The following NKIRAS1 variants were observed in gnomAD, a reference collection of about 807,000 sequenced individuals.
NKIRAS1 encodes the protein NF-kappa-B inhibitor-interacting Ras-like protein 1.
A neutral mutation model predicts 19.8 loss-of-function variants in NKIRAS1; 16 were observed. The ratio of observed to expected loss-of-function variants is 0.81; its 90% CI spans 0.55 to 1.23. NKIRAS1 has a LOEUF of 1.23. NKIRAS1 is among the 50% of genes most tolerant of loss of function. The pLI is 0.00. For missense variants in NKIRAS1, 184 were observed against 220.0 expected, an observed-to-expected ratio of 0.84 and a Z score of 1.04; for synonymous variants, 88 against 79.0, an observed-to-expected ratio of 1.11 and a Z score of -0.61.
chr3:23,898,734 G>A (rs964009498), intron 4 of NKIRAS1, among the ~76,000 whole-genome samples: 3 of 152,122 alleles, frequency 2.0e-5, no homozygotes, highest in Non-Finnish European at 4.4e-5. Context: ...GTGAATCACT[G>A]CACCTGGCCT....
upstream of NKIRAS1, chr3:23,920,566 C>G (rs1270445358): frequency 1.0e-6 from 1 of 985,276 alleles, no homozygotes; most frequent in Non-Finnish European, 1.2e-6. Context: ...TGTCCAGGGT[C>G]AATTTGAGTG....
chr3:23,945,705 TG>T, intron 1 of NKIRAS1: 1 of 349,668 alleles, frequency 2.9e-6, no homozygotes, highest in Non-Finnish European at 4.3e-6. Context: ...TGGGGCGGGG[TG>T]GGCTGCTGCG....
At chr3:23,924,618 T>C (rs1481510629) in intron 1 of NKIRAS1, among the ~76,000 whole-genome samples, 1 of 152,184 alleles carries the variant, frequency 6.6e-6, no homozygotes, top group African/African-American at 2.4e-5. Flanking sequence ...CAGGCTGGTC[T>C]ATTACCCCTG....
rs1344857713 is a variant in NKIRAS1, at chr3:23,927,672, C to T, written c.-139-16222G>A. On this transcript the variant is annotated intron_variant, in intron 1 of 4. Transcript: ENST00000421515. The surrounding 1 kb of genome is among the most constrained non-coding windows in gnomAD (Gnocchi z 4.0). ...ACTGATGGATGATGTAATTATCAGT[C>T]ATCAAATCACGAAACTTGTTTCTAT... Among the ~76,000 whole-genome samples, 1 of 152,180 alleles carries T rather than the reference C, an allele frequency of 6.6e-6. No homozygotes were observed. The highest frequency in any genetic ancestry group is 1.5e-5 in the Non-Finnish European group (1 of 68,040).
Position 23,902,089 on chromosome 3 carries a change from A to T in NKIRAS1, c.95-1040T>A, listed in dbSNP as rs35142203. Among the ~76,000 whole-genome samples the T allele has an allele frequency of 2.7e-3, 414 of 152,220 alleles. 4 individuals are homozygous for T. The highest frequency in any genetic ancestry group is 9.2e-3 in the African/African-American group (381 of 41,518). ...ACTCCGTCTCAAAAAATAATAATAAAAAAATAAAAATAAATGAATGTGAGA... is the reference window on the plus strand; with the variant it reads ...ACTCCGTCTCAAAAAATAATAATAATAAAATAAAAATAAATGAATGTGAGA... On this transcript the variant is annotated intron_variant, in intron 3 of 4. Coordinates refer to ENST00000425478, the MANE Select transcript of NKIRAS1 (RefSeq NM_020345.4).
In NKIRAS1 at chr3:23,944,348, GGAAA is replaced by G. The variant is rs201390890; in HGVS notation, c.-140+1971_-140+1974del. 4.1e-3 allele frequency among the ~76,000 whole-genome samples: 625 copies of G among 152,260 alleles called. 5 individuals carry two copies. The highest frequency in any genetic ancestry group is 0.014 in the African/African-American group (585 of 41,566). ...ATAGTGAAGAATTTCAGAGCAAACTGGAAAGAGTTTTACAAGCAACACCCATATC... is the reference window on the plus strand; with the variant it reads ...ATAGTGAAGAATTTCAGAGCAAACTGGAGTTTTACAAGCAACACCCATATC... On this transcript the variant is annotated intron_variant, in intron 1 of 4. Transcript: ENST00000421515.
In NKIRAS1 at chr3:23,893,061, C is replaced by G. The variant is rs776604026; in HGVS notation, c.*34G>C. The G allele has an allele frequency of 1.1e-5, 16 of 1,521,432 alleles. No homozygotes were observed. Among genetic ancestry groups the G allele is most frequent in the Non-Finnish European group, 1.2e-5 (14 of 1,137,772 alleles). 94.2% of individuals were successfully genotyped at this position (1,521,432 alleles called of 1,614,324 possible). On this transcript the variant is annotated 3_prime_UTR_variant, in exon 5 of 5. Transcript: ENST00000425478. The stretch of plus-strand genomic sequence containing the variant: ...GTTCACAGACACTTAAAGGCAATCA[C>G]TATTCAACATACAATTGTGGAAATT...
intron 1 of NKIRAS1, chr3:23,945,292 C>A (rs1705614765): frequency 6.4e-6 from 1 of 155,250 alleles, no homozygotes; most frequent in Non-Finnish European, 1.4e-5. Flanking sequence ...CCCCGTCAGC[C>A]GCCCTCGCCG....
chr3:23,926,632 A>C lies in NKIRAS1; in HGVS notation c.-139-15182T>G, dbSNP rs571172422. On this transcript the variant is annotated intron_variant, in intron 1 of 4. Transcript: ENST00000421515. This position sits in a 1 kb window ranked among gnomAD's most constrained non-coding sequence, Gnocchi z 4.3. ...TAGTATTTGTTGCTATAGATATTTTAATTGTATAATTACCACTTCCTTTGT... is the reference window on the plus strand; with the variant it reads ...TAGTATTTGTTGCTATAGATATTTTCATTGTATAATTACCACTTCCTTTGT... Among the ~76,000 whole-genome samples, 1 of 152,064 alleles carries C rather than the reference A, an allele frequency of 6.6e-6. No homozygotes were observed. Among genetic ancestry groups the C allele is most frequent in the East Asian group, 1.9e-4 (1 of 5,200 alleles).
At chr3:23,915,542 A>G (rs1193403849) in intron 1 of NKIRAS1, among the ~76,000 whole-genome samples, 1 of 152,174 alleles carries the variant, frequency 6.6e-6, no homozygotes, top group East Asian at 1.9e-4. Flanking sequence ...CTCTCCTTTT[A>G]GCCTCAAAAG....
chr3:23,893,452 AT>A, intron 4 of NKIRAS1, 115 bp from the exon 5 acceptor site: 2 of 846,336 alleles, frequency 2.4e-6, no homozygotes, highest in Non-Finnish European at 1.9e-6. Flanking sequence ...CATTAAACTG[AT>A]TCTCAAGTGT....
intron 1 of NKIRAS1, among the ~76,000 whole-genome samples, chr3:23,945,060 GAGA>G (rs1443832806): frequency 6.6e-6 from 1 of 151,942 alleles, no homozygotes; most frequent in Non-Finnish European, 1.5e-5. Flanking sequence ...GAGGGAAACG[GAGA>G]AGAGGTTTAC....
chr3:23,921,722 A>G (rs1705094375), upstream of NKIRAS1: 1 of 641,844 alleles, frequency 1.6e-6, no homozygotes, highest in African/African-American at 1.9e-5. Context: ...CTACAGGCGC[A>G]CACTGCCATG....
rs1373792444 is a variant in NKIRAS1 at position 23,900,894 on chromosome 3, G to C, written c.250C>G (p.Leu84Val). Reference protein sequence around the residue: ...HYFSFADGFVLVYSVNNLESF... With the variant: ...HYFSFADGFVVVYSVNNLESF... ...TCAAGGTTATTCACACTGTACACAA[G>C]AACGAAGCCATCAGCAAATGAAAAA... Residue 84 changes from leucine (L) to valine (V), a missense_variant, in exon 4 of 5, where the codon CTT becomes GTT. Coordinates refer to ENST00000425478, the MANE Select transcript of NKIRAS1 (RefSeq NM_020345.4). 8 of 1,614,002 alleles carry C rather than the reference G, an allele frequency of 5.0e-6. No homozygotes were observed. Among genetic ancestry groups the C allele is most frequent in the South Asian group, 1.1e-5 (1 of 91,072 alleles).
chr3:23,920,336 ACT>A (rs1432643485), upstream of NKIRAS1: 1 of 985,376 alleles, frequency 1.0e-6, no homozygotes, highest in Non-Finnish European at 1.2e-6. Flanking sequence ...TGGGTTACCC[ACT>A]CTGTCCACTC....
At position 23,910,804 on chromosome 3, in the gene NKIRAS1, A is replaced by C; in HGVS notation, c.94+7T>G. 1 of 1,604,450 alleles carries C rather than the reference A, an allele frequency of 6.2e-7. No homozygotes were observed. The highest frequency in any genetic ancestry group is 8.5e-7 in the Non-Finnish European group (1 of 1,171,240). On this transcript the variant is annotated splice_region_variant and intron_variant, in intron 3 of 4. Transcript: ENST00000425478. ...CCTAGAGACAAACTAGAGAAAAACAATCTTACCAATAGTATGATTTCCATA... is the reference window on the plus strand; with the variant it reads ...CCTAGAGACAAACTAGAGAAAAACACTCTTACCAATAGTATGATTTCCATA...
chr3:23,939,713 C>T (rs1705458290), intron 1 of NKIRAS1, among the ~76,000 whole-genome samples: 2 of 152,216 alleles, frequency 1.3e-5, no homozygotes, highest in African/African-American at 2.4e-5. Flanking sequence ...CACTGCACTC[C>T]AGTCTGGGTG....
At chr3:23,900,641 C>A (rs376955245) in intron 4 of NKIRAS1, among the ~76,000 whole-genome samples, 167 bp downstream of exon 4, 1,613 of 113,386 alleles carry the variant, frequency 0.014, no homozygotes, top group East Asian at 0.021. Flanking sequence ...GACTCCGTCT[C>A]AAAAAAAAAA....
intron 3 of NKIRAS1, 137 bp downstream of exon 3, chr3:23,910,674 C>A (rs1703609773): frequency 1.1e-5 from 7 of 637,072 alleles, no homozygotes; most frequent in Non-Finnish European, 1.9e-5. Context: ...TCTTTTCTTA[C>A]CTCTTAATCT....
Sources: gnomAD v4.1 joint callset for allele counts (sites outside exome capture counted in the v4.1 genomes callset) on GRCh38, gnomAD v4.1.1 for gene constraint, Gnocchi (gnomAD v3.1) non-coding constraint, MANE v1.5 for transcripts, NCBI Gene and HGNC (gene_info 2026-07-23, HGNC 2026-07-21) for gene names.